Variants in ZC3H12C observed in about 807,000 individuals in gnomAD.
The protein encoded by ZC3H12C is zinc finger CCCH-type containing 12C.
ZC3H12C carries 20 observed loss-of-function variants against 76.3 expected under a neutral mutation model. The observed-to-expected ratio is 0.26, with a 90% CI of 0.18 to 0.38. ZC3H12C has a LOEUF of 0.38. Among genes scored for constraint, ZC3H12C ranks in the 10% least tolerant of loss-of-function variants. The pLI is 1.00. For synonymous variants in ZC3H12C, 352 were observed against 399.6 expected (o/e 0.88, Z 1.42); for missense variants, 874 against 1,086.5 (o/e 0.80, Z 2.75).
chr11:110,130,999 C>T (rs548943305), intron 1 of ZC3H12C: 106 of 1,531,464 alleles, frequency 6.9e-5, no homozygotes, highest in Middle Eastern at 3.3e-4. Context: ...TCTGTTCAAC[C>T]ATTCATTGTT....
intron 1 of ZC3H12C, among the ~76,000 whole-genome samples, chr11:110,100,092 C>G (rs866704065): frequency 5.3e-5 from 8 of 151,892 alleles, no homozygotes; most frequent in Non-Finnish European, 8.8e-5. Flanking sequence ...TGTTAGTAGT[C>G]TTTAGGCTCC....
At chr11:110,113,534 T>A (rs1331816279) in intron 1 of ZC3H12C, among the ~76,000 whole-genome samples, 1 of 152,238 alleles carries the variant, frequency 6.6e-6, no homozygotes, top group Non-Finnish European at 1.5e-5. Flanking sequence ...TTCAATCCTA[T>A]GTTTTTGTTT....
intron 2 of ZC3H12C, among the ~76,000 whole-genome samples, chr11:110,144,258 A>G (rs1004319189): frequency 6.6e-6 from 1 of 152,220 alleles, no homozygotes; most frequent in Non-Finnish European, 1.5e-5. Context: ...TCCATTTTCT[A>G]AATATTAAGA....
chr11:110,108,064 C>T (rs1328400115), intron 1 of ZC3H12C, among the ~76,000 whole-genome samples: 3 of 152,204 alleles, frequency 2.0e-5, no homozygotes, highest in Non-Finnish European at 4.4e-5. Context: ...CCTCTCACCT[C>T]AGCCTCCCGA....
chr11:110,094,530 T>G (rs1861078833), intron 1 of ZC3H12C, among the ~76,000 whole-genome samples: 1 of 152,258 alleles, frequency 6.6e-6, no homozygotes, highest in African/African-American at 2.4e-5. Context: ...CCACAAGAAG[T>G]CATAAATACA....
intron 3 of ZC3H12C, 129 bp downstream of exon 3, chr11:110,153,187 T>G (rs1862307412): frequency 3.3e-6 from 4 of 1,195,766 alleles, no homozygotes; most frequent in South Asian, 1.6e-5. Flanking sequence ...AACGTTGTTT[T>G]TTGTTGTTGT....
chr11:110,100,206 A>G (rs996009919), intron 1 of ZC3H12C, among the ~76,000 whole-genome samples: 1 of 113,086 alleles, frequency 8.8e-6, no homozygotes, highest in African/African-American at 3.4e-5. Flanking sequence ...TAAAAGCTAT[A>G]TGGTACTTTT....
At chr11:110,095,028 A>G (rs1861088374) in intron 1 of ZC3H12C, among the ~76,000 whole-genome samples, 1 of 152,192 alleles carries the variant, frequency 6.6e-6, no homozygotes, top group East Asian at 1.9e-4. Flanking sequence ...TTTAGCCTTT[A>G]TTTAATAAGG....
At chr11:110,103,972 G>A (rs1318378295) in intron 1 of ZC3H12C, among the ~76,000 whole-genome samples, 2 of 149,530 alleles carry the variant, frequency 1.3e-5, no homozygotes, top group Admixed American at 6.7e-5. Flanking sequence ...TGCTTTAGAT[G>A]TTAGGGGGCA....
At chr11:110,146,017 T>G (rs991497542) in intron 2 of ZC3H12C, among the ~76,000 whole-genome samples, 23 of 152,156 alleles carry the variant, frequency 1.5e-4, no homozygotes, top group Non-Finnish European at 2.6e-4. Flanking sequence ...GACGGAGTCT[T>G]GCTCTGTCGC....
rs759579168 is a variant in ZC3H12C, at chr11:110,136,990, C to T, written c.349C>T (p.His117Tyr). The change falls in exon 2 of 6, where the codon CAC becomes TAC. Residue 117 changes from histidine (H) to tyrosine (Y), a missense_variant. Physicochemically the swap from His to Tyr is moderately conservative, Grantham distance 83 (BLOSUM62 2). Around this residue, in one of 3 missense-constraint regions of ZC3H12C, gnomAD observed 210 missense variants for 227.1 expected, o/e 0.92. Coordinates refer to ENST00000278590, the MANE Select transcript of ZC3H12C (RefSeq NM_033390.2). ...SVEPGLITKT[H>Y]RQLCRSPCLE... ...AGAGCCAGGCTTGATAACTAAGACT[C>T]ACAGACAGCTCTGCAGGTCTCCCTG... 5 of 1,613,792 alleles carry T rather than the reference C, an allele frequency of 3.1e-6. No homozygotes were observed. In the South Asian group the frequency reaches 5.5e-5, roughly 18 times the overall value.
intron 2 of ZC3H12C, among the ~76,000 whole-genome samples, chr11:110,146,098 T>A (rs1038767831): frequency 2.6e-5 from 4 of 152,154 alleles, no homozygotes; most frequent in Non-Finnish European, 5.9e-5. Context: ...GCCATTCTCC[T>A]GCCTCAGCCT....
chr11:110,133,114 T>C (rs186911706), intron 1 of ZC3H12C, among the ~76,000 whole-genome samples: 6 of 152,316 alleles, frequency 3.9e-5, no homozygotes, highest in Admixed American at 1.3e-4. Context: ...TTTCATTGAA[T>C]GATTTCAAGA....
intron 2 of ZC3H12C, among the ~76,000 whole-genome samples, chr11:110,142,980 A>G (rs760383033): frequency 3.0e-4 from 46 of 152,222 alleles, no homozygotes; most frequent in Non-Finnish European, 2.9e-4. Context: ...TTCTGGTGGT[A>G]TGTTTAGTAT....
intron 1 of ZC3H12C, among the ~76,000 whole-genome samples, chr11:110,098,716 A>G (rs1429226897): frequency 6.6e-6 from 1 of 152,242 alleles, no homozygotes; most frequent in Non-Finnish European, 1.5e-5. Context: ...AATATGCTGT[A>G]CAGGTTGGTA....
chr11:110,144,454 A>G (rs1354850394), intron 2 of ZC3H12C, among the ~76,000 whole-genome samples: 1 of 152,200 alleles, frequency 6.6e-6, no homozygotes, highest in Non-Finnish European at 1.5e-5. Flanking sequence ...GAAAAGTGGT[A>G]AAGAAAAAAT....
chr11:110,163,736 C>T (rs1434215118), intron 5 of ZC3H12C, among the ~76,000 whole-genome samples: 4 of 152,072 alleles, frequency 2.6e-5, no homozygotes, highest in African/African-American at 4.8e-5. Flanking sequence ...GAATTTCCTA[C>T]CTAATTATAA....
At chr11:110,111,456 A>G (rs913544214) in intron 1 of ZC3H12C, among the ~76,000 whole-genome samples, 1 of 152,094 alleles carries the variant, frequency 6.6e-6, no homozygotes, top group Non-Finnish European at 1.5e-5. Flanking sequence ...AAGGTAAAAT[A>G]AAAGTCAGTA....
At chr11:110,098,035 C>A (rs1861144991) in intron 1 of ZC3H12C, among the ~76,000 whole-genome samples, 1 of 152,120 alleles carries the variant, frequency 6.6e-6, no homozygotes, top group Non-Finnish European at 1.5e-5. Context: ...AAAAAGTTAA[C>A]TGTAAAACAG....
Sources: allele counts gnomAD v4.1 joint callset (sites outside exome capture counted in the v4.1 genomes callset), GRCh38; gene constraint gnomAD v4.1.1; regional missense constraint gnomAD v4.1.1; transcripts MANE v1.5; gene names NCBI Gene and HGNC (gene_info 2026-07-23, HGNC 2026-07-21).